The following CELF2 variants were observed in gnomAD, a reference collection of about 807,000 sequenced individuals.
CELF2 encodes the protein CUG triplet repeat RNA-binding protein 2.
Under a neutral mutation model 62.6 loss-of-function variants are expected in CELF2, and 8 were observed. That is an observed-to-expected ratio of 0.13 (90% confidence interval 0.07 to 0.23). The LOEUF (loss-of-function observed/expected upper bound fraction) is 0.23. Among genes scored for constraint, CELF2 ranks in the 10% least tolerant of loss-of-function variants. The pLI, the probability that CELF2 is intolerant of heterozygous loss-of-function variation, is 1.00. For missense variants in CELF2, 333 were observed against 671.0 expected, an observed-to-expected ratio of 0.50 and a Z score of 5.56; for synonymous variants, 258 against 250.0, an observed-to-expected ratio of 1.03 and a Z score of -0.30.
chr10:11,089,169 TC>T (rs1197771878), intron 1 of CELF2, among the ~76,000 whole-genome samples: 1 of 152,174 alleles, frequency 6.6e-6, no homozygotes, highest in Non-Finnish European at 1.5e-5. Context: ...ACTCCCACTG[TC>T]ATTGGGGATG....
intron 1 of CELF2, among the ~76,000 whole-genome samples, chr10:11,095,163 G>A (rs1007121750): frequency 2.0e-5 from 3 of 152,128 alleles, no homozygotes; most frequent in Admixed American, 6.5e-5. Context: ...GATACTTTGC[G>A]TAGGGGGTTT....
chr10:10,635,773 G>T, the CELF2 span, among the ~76,000 whole-genome samples: 2 of 152,068 alleles, frequency 1.3e-5, no homozygotes, highest in Non-Finnish European at 2.9e-5. Context: ...CTATGAAAAG[G>T]TTTTTAGGCA....
At chr10:11,181,545 G>C (rs1476725172) in intron 2 of CELF2, among the ~76,000 whole-genome samples, 1 of 152,130 alleles carries the variant, frequency 6.6e-6, no homozygotes, top group South Asian at 2.1e-4. Flanking sequence ...TTCTGTTGTG[G>C]CCTTTCAGCA....
intron 11 of CELF2, 85 bp from the exon 12 acceptor site, chr10:11,325,751 C>T: frequency 8.2e-7 from 1 of 1,213,990 alleles, no homozygotes; most frequent in Non-Finnish European, 1.2e-6. Context: ...GCTTAGCCTA[C>T]CTGTTGTTAA....
the CELF2 span, among the ~76,000 whole-genome samples, chr10:10,768,712 T>A: frequency 2.0e-5 from 3 of 152,022 alleles, no homozygotes; most frequent in East Asian, 3.9e-4. Flanking sequence ...TACCGGGGTG[T>A]ACAGGTACCC....
the CELF2 span, among the ~76,000 whole-genome samples, chr10:10,507,264 A>T: frequency 6.6e-6 from 1 of 150,670 alleles, no homozygotes; most frequent in Non-Finnish European, 1.5e-5. Flanking sequence ...CATAAAAGAT[A>T]GCATCTAAGC....
At chr10:10,475,405 C>T in the CELF2 span, among the ~76,000 whole-genome samples, 1 of 151,422 alleles carries the variant, frequency 6.6e-6, no homozygotes, top group African/African-American at 2.4e-5. Context: ...ATATGTAAAA[C>T]TGGTGAAGGT....
intron 1 of CELF2, 87 bp downstream of exon 1, chr10:11,018,250 C>T (rs538416441): frequency 9.3e-6 from 11 of 1,183,564 alleles, no homozygotes; most frequent in Non-Finnish European, 1.2e-5. Context: ...TCGCCCGCAG[C>T]TCCCGGGCGC....
the CELF2 span, among the ~76,000 whole-genome samples, chr10:10,696,884 G>C: frequency 6.6e-6 from 1 of 152,294 alleles, no homozygotes; most frequent in Non-Finnish European, 1.5e-5. Flanking sequence ...CCACTGTCTG[G>C]CACTCCCTAG....
the CELF2 span, among the ~76,000 whole-genome samples, chr10:10,628,187 A>T: frequency 5.3e-5 from 8 of 152,322 alleles, no homozygotes; most frequent in East Asian, 1.5e-3. Context: ...TACAGCCATG[A>T]GCCACCATGC....
At chr10:10,748,721 C>A in the CELF2 span, among the ~76,000 whole-genome samples, 276 of 136,806 alleles carry the variant, frequency 2.0e-3, 2 homozygotes, top group African/African-American at 7.5e-3. Flanking sequence ...ACACTCCATC[C>A]TGGGTGACAG....
intron 1 of CELF2, among the ~76,000 whole-genome samples, chr10:10,820,011 A>G (rs61832075): frequency 3.9e-5 from 6 of 152,148 alleles, no homozygotes; most frequent in Non-Finnish European, 8.8e-5. Context: ...AGGTAAATGA[A>G]TCATGGGGAC....
rs1378270454 is a variant in CELF2 at position 10,871,362 on chromosome 10, G to A, written c.54-48602G>A. On this transcript the variant is annotated intron_variant, in intron 1 of 13. Transcript: ENST00000636488. The stretch of plus-strand genomic sequence containing the variant: ...TAAAAATCTATGCGCCACATCTAAT[G>A]TCATGGTTTCTACCTTGTTTATTTT... Among the ~76,000 whole-genome samples the A allele has an allele frequency of 2.0e-5, 3 of 152,338 alleles. No individual in the cohort carries two copies. The East Asian group carries it at 5.8e-4, about 29-fold the overall frequency.
At chr10:10,766,681 A>G in the CELF2 span, among the ~76,000 whole-genome samples, 1 of 152,188 alleles carries the variant, frequency 6.6e-6, no homozygotes, top group Non-Finnish European at 1.5e-5. Context: ...CCCTGCCACC[A>G]TGGCCACTCT....
intron 3 of CELF2, among the ~76,000 whole-genome samples, chr10:11,230,485 C>G (rs1005744905): frequency 2.0e-5 from 3 of 152,204 alleles, no homozygotes; most frequent in Non-Finnish European, 4.4e-5. Flanking sequence ...GCTGTGTTCC[C>G]TCATCTGAGT....
At chr10:11,293,729 G>A (rs1039344890) in intron 9 of CELF2, among the ~76,000 whole-genome samples, 1 of 152,118 alleles carries the variant, frequency 6.6e-6, no homozygotes, top group African/African-American at 2.4e-5. Context: ...GGGAAGGTGT[G>A]TTATTTACTC....
At chr10:10,594,257 T>C in the CELF2 span, among the ~76,000 whole-genome samples, 1 of 152,210 alleles carries the variant, frequency 6.6e-6, no homozygotes, top group Admixed American at 6.5e-5. Flanking sequence ...ACTGGTGGAC[T>C]ATTTGCTTTC....
intron 1 of CELF2, among the ~76,000 whole-genome samples, chr10:11,095,530 G>A (rs551140422): frequency 1.3e-5 from 2 of 152,186 alleles, no homozygotes; most frequent in African/African-American, 4.8e-5. Context: ...CGACCTGCAG[G>A]GGGAGGGCAG....
intron 1 of CELF2, among the ~76,000 whole-genome samples, chr10:11,025,016 ATT>A (rs2058908554): frequency 6.6e-6 from 1 of 152,174 alleles, no homozygotes; most frequent in African/African-American, 2.4e-5. Flanking sequence ...AACTCATTAA[ATT>A]TTAAGGTGGT....
Sources: allele counts gnomAD v4.1 joint callset (sites outside exome capture counted in the v4.1 genomes callset), GRCh38; gene constraint gnomAD v4.1.1; transcripts MANE v1.5; gene names NCBI Gene and HGNC (gene_info 2026-07-23, HGNC 2026-07-21).